Variants in SNTG1 observed in about 807,000 individuals in gnomAD.
The protein encoded by SNTG1 is syntrophin gamma 1.
A neutral mutation model predicts 74.7 loss-of-function variants in SNTG1; 39 were observed. The ratio of observed to expected loss-of-function variants is 0.52; its 90% CI spans 0.40 to 0.68. The LOEUF (loss-of-function observed/expected upper bound fraction) is 0.68, where lower values mean the gene tolerates loss of function less well. SNTG1 is among the 30% of genes least tolerant of loss of function. SNTG1 has a pLI of 0.00. For synonymous variants in SNTG1, 254 were observed against 217.1 expected, an observed-to-expected ratio of 1.17 and a Z score of -1.49; for missense variants, 685 against 609.5, an observed-to-expected ratio of 1.12 and a Z score of -1.30.
chr8:50,350,721 G>C (rs1033568449), intron 2 of SNTG1, among the ~76,000 whole-genome samples: 17 of 152,170 alleles, frequency 1.1e-4, no homozygotes, highest in African/African-American at 4.1e-4. Flanking sequence ...GTGGGGACTT[G>C]GAGAACCTTT....
At chr8:50,462,796 C>CTTTTTTTTTTTTTTTTTT (rs869119447) in intron 8 of SNTG1, among the ~76,000 whole-genome samples, 3 of 57,410 alleles carry the variant, frequency 5.2e-5, no homozygotes, top group African/African-American at 1.2e-4. Flanking sequence ...AGGTTCTACT[C>CTTTTTTTTTTTTTTTTTT]TTTTTTTTTT....
intron 1 of SNTG1, among the ~76,000 whole-genome samples, chr8:50,059,765 T>C (rs1324128256): frequency 6.6e-6 from 1 of 152,164 alleles, no homozygotes; most frequent in African/African-American, 2.4e-5. Context: ...GGATTAACTA[T>C]ACCTTTTGGG....
At chr8:50,652,591 G>A (rs983357537) in intron 13 of SNTG1, among the ~76,000 whole-genome samples, 2 of 152,052 alleles carry the variant, frequency 1.3e-5, no homozygotes, top group Non-Finnish European at 2.9e-5. Flanking sequence ...GAGGTCAGGC[G>A]TTTCAGACCA....
chr8:50,051,007 A>C lies in SNTG1; in HGVS notation c.-102-121554A>C, dbSNP rs1819522149. Among the ~76,000 whole-genome samples, 6 of 152,132 alleles carry C rather than the reference A, an allele frequency of 3.9e-5. No homozygotes were observed. The South Asian group carries it at 1.2e-3, about 32-fold the overall frequency. On this transcript the variant is annotated intron_variant, in intron 1 of 18. Coordinates refer to ENST00000642720, the MANE Select transcript of SNTG1 (RefSeq NM_018967.5). ...AAGAGAAATTCTTCAACTTGATAAA[A>C]GGCATCTATGAAAAATCCACATCTA...
chr8:50,653,334 G>A (rs1164692577), intron 13 of SNTG1, among the ~76,000 whole-genome samples: 1 of 151,984 alleles, frequency 6.6e-6, no homozygotes, highest in African/African-American at 2.4e-5. Context: ...CAGGAGGCTG[G>A]GGCAAGAGGA....
At chr8:50,623,817 G>A (rs571599208) in intron 13 of SNTG1, among the ~76,000 whole-genome samples, 2 of 151,828 alleles carry the variant, frequency 1.3e-5, no homozygotes, top group East Asian at 3.9e-4. Context: ...TAAAAATCAT[G>A]GATTTGTTTT....
At chr8:50,364,778 G>A (rs1162208771) in intron 2 of SNTG1, among the ~76,000 whole-genome samples, 2 of 151,978 alleles carry the variant, frequency 1.3e-5, no homozygotes, top group South Asian at 2.1e-4. Context: ...GCATTTTTAG[G>A]TCAGCAAACT....
chr8:50,714,252 T>C (rs1359107628), intron 17 of SNTG1, among the ~76,000 whole-genome samples: 3 of 152,076 alleles, frequency 2.0e-5, no homozygotes, highest in Admixed American at 6.6e-5. Flanking sequence ...AGTAGTATAG[T>C]TTGAAGTCAG....
intron 1 of SNTG1, among the ~76,000 whole-genome samples, chr8:50,137,083 G>A (rs2081498287): frequency 6.6e-6 from 1 of 152,040 alleles, no homozygotes; most frequent in African/African-American, 2.4e-5. Context: ...TTCATTTTCA[G>A]CAGAGTAGTT....
At chr8:50,027,872 T>G (rs2130730128) in intron 1 of SNTG1, among the ~76,000 whole-genome samples, 1 of 152,284 alleles carries the variant, frequency 6.6e-6, no homozygotes, top group South Asian at 2.1e-4. Context: ...CCTTAAATGA[T>G]TAATCATTTT....
chr8:50,525,413 T>C (rs2094212123), intron 9 of SNTG1, among the ~76,000 whole-genome samples: 1 of 152,152 alleles, frequency 6.6e-6, no homozygotes, highest in South Asian at 2.1e-4. Flanking sequence ...GTATGTTCAT[T>C]TTCTTCCCCA....
intron 17 of SNTG1, among the ~76,000 whole-genome samples, chr8:50,711,576 G>A (rs1465415848): frequency 2.0e-5 from 3 of 152,076 alleles, no homozygotes; most frequent in East Asian, 1.9e-4. Context: ...AATGAGAGTC[G>A]GCATGATTTT....
chr8:49,968,657 A>G (rs1427734961), intron 1 of SNTG1, among the ~76,000 whole-genome samples: 1 of 152,194 alleles, frequency 6.6e-6, no homozygotes, highest in Non-Finnish European at 1.5e-5. Flanking sequence ...GATGCAGGTT[A>G]TACCAAAGAG....
intron 15 of SNTG1, among the ~76,000 whole-genome samples, chr8:50,659,709 A>T (rs1390194349): frequency 6.6e-6 from 1 of 152,208 alleles, no homozygotes; most frequent in Non-Finnish European, 1.5e-5. Flanking sequence ...TGGAAGGACA[A>T]CCTGAAATAC....
intron 8 of SNTG1, among the ~76,000 whole-genome samples, chr8:50,463,474 A>G (rs747443391): frequency 2.6e-5 from 4 of 152,206 alleles, no homozygotes; most frequent in Non-Finnish European, 5.9e-5. Context: ...AAGCATGAAA[A>G]CAAAATTAAT....
intron 11 of SNTG1, among the ~76,000 whole-genome samples, chr8:50,539,075 A>C (rs2094327819): frequency 6.6e-6 from 1 of 152,104 alleles, no homozygotes; most frequent in Non-Finnish European, 1.5e-5. Flanking sequence ...TGTTTCAAGA[A>C]AACTTGTAAT....
intron 4 of SNTG1, among the ~76,000 whole-genome samples, chr8:50,416,232 AT>A (rs1256145797): frequency 6.6e-6 from 1 of 152,146 alleles, no homozygotes; most frequent in African/African-American, 2.4e-5. Context: ...TTGTGGGATC[AT>A]TTGCTCGCAC....
At chr8:50,489,787 G>C (rs926292986) in intron 8 of SNTG1, among the ~76,000 whole-genome samples, 4 of 152,150 alleles carry the variant, frequency 2.6e-5, no homozygotes, top group African/African-American at 9.7e-5. Context: ...AACCCAATTT[G>C]TCAGTTTTGG....
chr8:50,442,996 T>C (rs2093372532), intron 5 of SNTG1, among the ~76,000 whole-genome samples: 1 of 152,216 alleles, frequency 6.6e-6, no homozygotes. Flanking sequence ...CCCTCTCAAG[T>C]GCCCATCCTC....
Sources: gnomAD v4.1 joint callset for allele counts (sites outside exome capture counted in the v4.1 genomes callset) on GRCh38, gnomAD v4.1.1 for gene constraint, MANE v1.5 for transcripts, NCBI Gene and HGNC (gene_info 2026-07-23, HGNC 2026-07-21) for gene names.